GRIK2: variants seen among roughly 807,000 people sequenced by gnomAD.
The protein encoded by GRIK2 is glutamate ionotropic receptor kainate type subunit 2.
GRIK2 carries 32 observed loss-of-function variants against 100.3 expected under a neutral mutation model. The ratio of observed to expected loss-of-function variants is 0.32; its 90% CI spans 0.24 to 0.43. GRIK2 has a LOEUF of 0.43. Ranked by LOEUF, GRIK2 falls within the 20% of genes least tolerant of loss-of-function variation. The probability of loss-of-function intolerance (pLI) is 1.00; values close to 1 mark genes in which losing one functional copy is unlikely to be tolerated. For synonymous variants in GRIK2, 417 were observed against 389.4 expected (o/e 1.07, Z -0.83); for missense variants, 843 against 1,114.9 (o/e 0.76, Z 3.47).
At chr6:101,595,718 GTA>G (rs370175425) in intron 2 of GRIK2, among the ~76,000 whole-genome samples, 5,045 of 122,224 alleles carry the variant, frequency 0.041, 123 homozygotes, top group African/African-American at 0.072. Context: ...GTGTGTGTGT[GTA>G]TATATATATA....
intron 7 of GRIK2, among the ~76,000 whole-genome samples, chr6:101,699,988 A>G (rs1159388215): frequency 6.6e-6 from 1 of 152,000 alleles, no homozygotes; most frequent in Admixed American, 6.6e-5. Flanking sequence ...TTCTACAAAC[A>G]AAATGGAAAA....
At chr6:101,795,059 G>T (rs1228401655) in intron 7 of GRIK2, among the ~76,000 whole-genome samples, 1 of 151,894 alleles carries the variant, frequency 6.6e-6, no homozygotes, top group Non-Finnish European at 1.5e-5. Context: ...TAGAGACCAG[G>T]TTTCATCATG....
intron 9 of GRIK2, among the ~76,000 whole-genome samples, chr6:101,812,820 C>A (rs1378818066): frequency 6.6e-6 from 1 of 151,834 alleles, no homozygotes; most frequent in African/African-American, 2.4e-5. Flanking sequence ...AAGATACATG[C>A]ATAAGGTAGT....
At chr6:101,528,480 C>CT (rs1168392744) in intron 2 of GRIK2, among the ~76,000 whole-genome samples, 1 of 151,878 alleles carries the variant, frequency 6.6e-6, no homozygotes, top group African/African-American at 2.4e-5. Context: ...TTTGTTCAGA[C>CT]TTTTTAGGTT....
At chr6:101,549,940 G>T (rs1030191932) in intron 2 of GRIK2, among the ~76,000 whole-genome samples, 1 of 152,094 alleles carries the variant, frequency 6.6e-6, no homozygotes, top group Non-Finnish European at 1.5e-5. Flanking sequence ...AGCCAAGTAG[G>T]ATTTGCACCC....
intron 2 of GRIK2, among the ~76,000 whole-genome samples, chr6:101,458,718 G>A (rs558398158): frequency 1.3e-5 from 2 of 152,222 alleles, no homozygotes; most frequent in East Asian, 1.9e-4. Flanking sequence ...CAGCAAGAAG[G>A]GGGTACATTG....
intron 2 of GRIK2, among the ~76,000 whole-genome samples, chr6:101,548,171 GT>G (rs1309516002): frequency 6.6e-5 from 10 of 151,972 alleles, no homozygotes; most frequent in Admixed American, 4.6e-4. Context: ...GGGGTTGTTT[GT>G]TTTTTTCTTG....
At chr6:101,961,452 A>G (rs1212593241) in intron 14 of GRIK2, among the ~76,000 whole-genome samples, 2 of 152,044 alleles carry the variant, frequency 1.3e-5, no homozygotes, top group East Asian at 3.9e-4. Flanking sequence ...TACCCATGCC[A>G]ACGCCCCCCA....
In GRIK2 at chr6:101,736,700, G is replaced by A. The variant is rs143488926; in HGVS notation, c.951+50347G>A. On this transcript the variant is annotated intron_variant, in intron 7 of 16. Coordinates refer to ENST00000369134, the MANE Select transcript of GRIK2 (RefSeq NM_021956.5). Reference sequence around the variant, plus strand: ...CTAGGCCTCTGGGCCTGTGATGGGAGGGACTGCTGCAAAGACCTCTGACAT... The same window carrying A: ...CTAGGCCTCTGGGCCTGTGATGGGAAGGACTGCTGCAAAGACCTCTGACAT... Among the ~76,000 whole-genome samples, 42 of 152,298 alleles carry A rather than the reference G, an allele frequency of 2.8e-4. No homozygotes were observed. The East Asian group carries it at 7.0e-3, about 25-fold the overall frequency.
intron 2 of GRIK2, among the ~76,000 whole-genome samples, chr6:101,596,229 C>CTT (rs572026874): frequency 1.5e-5 from 2 of 136,016 alleles, no homozygotes; most frequent in Non-Finnish European, 1.6e-5. Context: ...TTGCTGTGTC[C>CTT]TTTTTTTTTT....
chr6:101,883,018 AT>A lies in GRIK2; in HGVS notation c.1525-6616del, dbSNP rs1180644513. ...ATAAAAAATCTCATTTTTTAAAATT[AT>A]TTTTTATCCTTTTATATGATCCCAG... On this transcript the variant is annotated intron_variant, in intron 11 of 16. Coordinates refer to ENST00000369134, the MANE Select transcript of GRIK2 (RefSeq NM_021956.5). 3.5e-5 allele frequency among the ~76,000 whole-genome samples: 5 copies of A among 144,568 alleles called. No individual in the cohort carries two copies. In the East Asian group the frequency reaches 9.7e-4, roughly 28 times the overall value. 94.8% of individuals were successfully genotyped at this position (144,568 alleles called of 152,430 possible).
At chr6:101,616,575 AAAT>A (rs1779905055) in intron 2 of GRIK2, among the ~76,000 whole-genome samples, 2 of 151,812 alleles carry the variant, frequency 1.3e-5, no homozygotes, top group Admixed American at 6.6e-5. Context: ...TATACTTAGA[AAAT>A]TTTGAATCAT....
rs978660736 is a variant in GRIK2 at position 101,828,787 on chromosome 6, C to T, written c.1317+10304C>T. 9.2e-5 allele frequency among the ~76,000 whole-genome samples: 14 copies of T among 151,758 alleles called. No individual in the cohort carries two copies. In the East Asian group the frequency reaches 2.7e-3, roughly 29 times the overall value. On this transcript the variant is annotated intron_variant, in intron 10 of 16. Coordinates refer to ENST00000369134, the MANE Select transcript of GRIK2 (RefSeq NM_021956.5). ...ATTGAATCATTATTGCTGATCAACC[C>T]AAAAAGCTGTGGACCAGATGGACTC... is the stretch of plus-strand genomic sequence containing the variant.
At chr6:101,411,699 T>C (rs1421264323) in intron 2 of GRIK2, among the ~76,000 whole-genome samples, 1 of 152,116 alleles carries the variant, frequency 6.6e-6, no homozygotes, top group East Asian at 1.9e-4. Flanking sequence ...GGGGCTTAGA[T>C]ATTTTATAAT....
chr6:101,752,597 T>A (rs956035122), intron 7 of GRIK2, among the ~76,000 whole-genome samples: 2 of 152,264 alleles, frequency 1.3e-5, no homozygotes, highest in East Asian at 3.8e-4. Flanking sequence ...TAATTTAATC[T>A]TCTATTTTAT....
intron 4 of GRIK2, among the ~76,000 whole-genome samples, chr6:101,641,325 T>C (rs561247591): frequency 4.5e-4 from 69 of 152,200 alleles, no homozygotes; most frequent in African/African-American, 1.5e-3. Context: ...ACTCTCACAA[T>C]GAACTTTTTA....
At chr6:102,018,650 A>G (rs1166451435) in intron 14 of GRIK2, among the ~76,000 whole-genome samples, 1 of 152,056 alleles carries the variant, frequency 6.6e-6, no homozygotes, top group Non-Finnish European at 1.5e-5. Flanking sequence ...GGTTCTCTAT[A>G]TCCACCTATC....
At position 101,466,136 on chromosome 6, in the gene GRIK2, G is replaced by A. The variant is rs540143996; in HGVS notation, c.115+66744G>A. Among the ~76,000 whole-genome samples, 281 of 152,162 alleles carry A rather than the reference G, an allele frequency of 1.8e-3. 2 individuals carry two copies. Among genetic ancestry groups the A allele is most frequent in the Middle Eastern group, 6.8e-3 (2 of 294 alleles). ...CTGTCATTGCCAGTGTTGTGGCAAC[G>A]TCAAAGTGTTTCTTTCTGGGTCATG... On this transcript the variant is annotated intron_variant, in intron 2 of 16. Coordinates refer to ENST00000369134, the MANE Select transcript of GRIK2 (RefSeq NM_021956.5).
chr6:101,507,711 CTA>C (rs1310256604), intron 2 of GRIK2, among the ~76,000 whole-genome samples: 12 of 152,026 alleles, frequency 7.9e-5, no homozygotes, highest in Non-Finnish European at 1.8e-4. Flanking sequence ...AAAAACTAAG[CTA>C]TGTTTTATTT....
Sources: allele counts gnomAD v4.1 joint callset (sites outside exome capture counted in the v4.1 genomes callset), GRCh38; gene constraint gnomAD v4.1.1; transcripts MANE v1.5; gene names NCBI Gene and HGNC (gene_info 2026-07-23, HGNC 2026-07-21).